GIMAP8: variants seen among roughly 807,000 people sequenced by gnomAD.
GIMAP8 encodes GTPase, IMAP family member 8.
A neutral mutation model predicts 35.6 loss-of-function variants in GIMAP8; 29 were observed. That is an observed-to-expected ratio of 0.81 (90% CI 0.61 to 1.11). The LOEUF (loss-of-function observed/expected upper bound fraction) is 1.11. Ranked by LOEUF, GIMAP8 falls within the 50% of genes most tolerant of loss-of-function variation. GIMAP8 has a pLI of 0.00. For missense variants in GIMAP8, 811 were observed against 805.0 expected (o/e 1.01, Z -0.09); for synonymous variants, 335 against 308.7 (o/e 1.09, Z -0.89).
Position 150,473,837 on chromosome 7 carries a change from CCT to C in GIMAP8, c.683-174_683-173del, listed in dbSNP as rs1032271141. Among the ~76,000 whole-genome samples the C allele has an allele frequency of 5.9e-5, 9 of 152,146 alleles. No individual in the cohort carries two copies. The East Asian group carries it at 7.7e-4, about 13-fold the overall frequency. On this transcript the variant is annotated intron_variant, in intron 3 of 4. Coordinates refer to ENST00000307271, the MANE Select transcript of GIMAP8 (RefSeq NM_175571.4). ...GAATATCTCTTAGTTCACTCCTGCC[CCT>C]GTTTGTGGCTTTCACCTTGATGGAG... is the stretch of plus-strand genomic sequence containing the variant.
intron 1 of GIMAP8, among the ~76,000 whole-genome samples, chr7:150,462,457 A>C (rs920987118): frequency 6.6e-6 from 1 of 152,064 alleles, no homozygotes; most frequent in African/African-American, 2.4e-5. Flanking sequence ...GTGCATTTTC[A>C]TGGTGGTAGA....
In GIMAP8 at chr7:150,466,982, A is replaced by G. The variant is rs1396548282; in HGVS notation, c.284A>G (p.His95Arg). Reference sequence around the variant, plus strand: ...TTGGAGCTCTCTGCTCCCAGCCTCCATGCTCTGCTCTTGGTAATTGCCATC... The same window carrying G: ...TTGGAGCTCTCTGCTCCCAGCCTCCGTGCTCTGCTCTTGGTAATTGCCATC... ...HCLELSAPSL[H>R]ALLLVIAIGH... Residue 95 changes from histidine to arginine, a missense_variant, in exon 2 of 5, where the codon CAT becomes CGT. Physicochemically the swap from His to Arg is conservative, Grantham distance 29 (BLOSUM62 0). Transcript: ENST00000307271. The G allele has an allele frequency of 3.7e-6, 6 of 1,614,122 alleles. No individual in the cohort carries two copies. The highest frequency in any genetic ancestry group is 3.4e-6 in the Non-Finnish European group (4 of 1,180,038).
intron 1 of GIMAP8, among the ~76,000 whole-genome samples, chr7:150,453,925 G>T (rs1362177060): frequency 6.6e-6 from 1 of 152,014 alleles, no homozygotes; most frequent in African/African-American, 2.4e-5. Context: ...GCGGGTGCTA[G>T]GTATGGGGTG....
intron 1 of GIMAP8, among the ~76,000 whole-genome samples, chr7:150,452,251 A>G (rs184911151): frequency 2.6e-5 from 4 of 151,936 alleles, no homozygotes; most frequent in Admixed American, 1.3e-4. Context: ...CACTTTCTAC[A>G]TGTTGGGGTG....
chr7:150,462,966 T>C (rs1425433490), intron 1 of GIMAP8, among the ~76,000 whole-genome samples: 2 of 152,192 alleles, frequency 1.3e-5, no homozygotes, highest in East Asian at 3.8e-4. Context: ...TCTGGAACTC[T>C]CAAAATTCAA....
chr7:150,455,932 A>T (rs1307452378), intron 1 of GIMAP8, among the ~76,000 whole-genome samples: 1 of 152,124 alleles, frequency 6.6e-6, no homozygotes, highest in Non-Finnish European at 1.5e-5. Flanking sequence ...GCTTGGTGGC[A>T]CAGGTTGACT....
intron 1 of GIMAP8, among the ~76,000 whole-genome samples, chr7:150,465,876 C>A (rs1426835700): frequency 1.3e-5 from 2 of 152,192 alleles, no homozygotes; most frequent in African/African-American, 2.4e-5. Context: ...TTTGTCATCT[C>A]ATTTGAGTTT....
intron 3 of GIMAP8, among the ~76,000 whole-genome samples, chr7:150,473,126 A>C (rs1802132636): frequency 6.6e-6 from 1 of 152,162 alleles, no homozygotes; most frequent in African/African-American, 2.4e-5. Context: ...CTTCCCACGA[A>C]GGCTGTTGAT....
In GIMAP8 at chr7:150,474,159, T is replaced by G; in HGVS notation, c.830T>G (p.Phe277Cys). The change falls in exon 4 of 5, where the codon TTT becomes TGT. Residue 277 changes from phenylalanine to cysteine, a missense_variant. Transcript: ENST00000307271. The part of the protein sequence containing the change: ...ILGRQAFQTG[F>C]SEQSVTQSFL... ...GGGAGGCAGGCCTTTCAGACCGGAT[T>G]TAGTGAGCAGTCAGTAACCCAGAGC... 6.2e-7 allele frequency: 1 copy of G among 1,614,088 alleles called. No individual in the cohort carries two copies. The highest frequency in any genetic ancestry group is 2.2e-5 in the East Asian group (1 of 44,884).
At chr7:150,457,409 A>G (rs1007185399) in intron 1 of GIMAP8, among the ~76,000 whole-genome samples, 2 of 152,228 alleles carry the variant, frequency 1.3e-5, no homozygotes, top group African/African-American at 2.4e-5. Flanking sequence ...TGGCCTGTTT[A>G]TGGACAGGCT....
In GIMAP8 at chr7:150,466,683, C is replaced by A. The variant is rs767299597; in HGVS notation, c.-16C>A. The A allele has an allele frequency of 6.1e-5, 99 of 1,611,202 alleles. No individual in the cohort carries two copies. In the East Asian group the frequency reaches 2.1e-3, roughly 35 times the overall value. On this transcript the variant is annotated 5_prime_UTR_variant, in exon 2 of 5. Coordinates refer to ENST00000307271, the MANE Select transcript of GIMAP8 (RefSeq NM_175571.4). ...TCTGTCCCAACAGAACAAGCGGGAG[C>A]CTGTGTCAGGAAAGCATGTCAGAGC...
Position 150,453,432 on chromosome 7 carries a change from C to T in GIMAP8, c.-29+2257C>T, listed in dbSNP as rs1043185646. 5.3e-5 allele frequency among the ~76,000 whole-genome samples: 8 copies of T among 152,206 alleles called. No individual in the cohort carries two copies. In the East Asian group the frequency reaches 5.8e-4, roughly 11 times the overall value. ...CTTGTGGGCTTTGCCTCGCCCTTTT[C>T]GAAAGTGGGCCCTGCCACTGCCTTT... On this transcript the variant is annotated intron_variant, in intron 1 of 4. Coordinates refer to ENST00000307271, the MANE Select transcript of GIMAP8 (RefSeq NM_175571.4).
chr7:150,455,138 C>CAAAAAAA (rs57359256), intron 1 of GIMAP8, among the ~76,000 whole-genome samples: 3 of 124,000 alleles, frequency 2.4e-5, no homozygotes, highest in Non-Finnish European at 3.4e-5. Flanking sequence ...AATTCCATCT[C>CAAAAAAA]AAAAAAAAAA....
rs758616514 is a variant in GIMAP8, at chr7:150,467,262, G to A, written c.564G>A (p.Lys188=). 2.5e-6 allele frequency: 4 copies of A among 1,614,224 alleles called. No individual in the cohort carries two copies. The Admixed American group carries it at 5.0e-5, about 20-fold the overall frequency. ...QITQVLELLR[K]VESLVNTNGG... is the part of the protein sequence containing the mutation. ...CCCAGGTGTTGGAGCTCCTTCGCAAGGTTGAGTCTTTGGTGAATACGAACG... is the reference window on the plus strand; with the variant it reads ...CCCAGGTGTTGGAGCTCCTTCGCAAAGTTGAGTCTTTGGTGAATACGAACG... The change falls in exon 2 of 5, where the codon AAG becomes AAA. Residue 188 remains lysine (K), a synonymous_variant. Transcript: ENST00000307271.
chr7:150,477,476 C>T lies in GIMAP8; in HGVS notation c.1694C>T (p.Thr565Ile), dbSNP rs756168278. ...ACGAAATACGCGATTATGCTGTTCA[C>T]CCGGAAGGAAGACCTAGGGGCGGGG... ...DFTKYAIMLFTRKEDLGAGNL... is the reference protein window; with the variant it reads ...DFTKYAIMLFIRKEDLGAGNL... Residue 565 changes from threonine to isoleucine, a missense_variant, in exon 5 of 5, where the codon ACC becomes ATC. Physicochemically the swap from Thr to Ile is moderately conservative, Grantham distance 89 (BLOSUM62 -1). Coordinates refer to ENST00000307271, the MANE Select transcript of GIMAP8 (RefSeq NM_175571.4). 1.2e-6 allele frequency: 2 copies of T among 1,614,066 alleles called. No individual in the cohort carries two copies. The highest frequency in any genetic ancestry group is 1.7e-5 in the Admixed American group (1 of 60,002).
rs183084956 is a variant in GIMAP8, at chr7:150,474,948, C to T, written c.1309+310C>T. On this transcript the variant is annotated intron_variant, in intron 4 of 4. Transcript: ENST00000307271. ...GTCCATGTGATCTTATTGTTCAATT[C>T]CCACCTATGAGTGAGAATATGCGGT... is the stretch of plus-strand genomic sequence containing the variant. 2.7e-5 allele frequency among the ~76,000 whole-genome samples: 4 copies of T among 148,342 alleles called. No individual in the cohort carries two copies. The East Asian group carries it at 8.3e-4, about 31-fold the overall frequency.
chr7:150,477,144 C>G lies in GIMAP8; in HGVS notation c.1362C>G (p.Thr454=). ...VGRSGTGKSA[T]GNSILGSLVF... ...GAAGCGGGACTGGGAAGAGTGCGACCGGGAACTCTATCCTGGGGAGCCTCG... is the reference window on the plus strand; with the variant it reads ...GAAGCGGGACTGGGAAGAGTGCGACGGGGAACTCTATCCTGGGGAGCCTCG... Residue 454 remains threonine, a synonymous_variant, in exon 5 of 5, where the codon ACC becomes ACG. Coordinates refer to ENST00000307271, the MANE Select transcript of GIMAP8 (RefSeq NM_175571.4). The G allele has an allele frequency of 1.9e-6, 3 of 1,613,654 alleles. No homozygotes were observed. The highest frequency in any genetic ancestry group is 2.5e-6 in the Non-Finnish European group (3 of 1,179,634).
At chr7:150,460,804 G>T (rs894735139) in intron 1 of GIMAP8, among the ~76,000 whole-genome samples, 3 of 152,154 alleles carry the variant, frequency 2.0e-5, no homozygotes, top group African/African-American at 7.2e-5. Flanking sequence ...GCCTACTTAG[G>T]CCCAATCTCA....
Position 150,477,329 on chromosome 7 carries a change from G to C in GIMAP8, c.1547G>C (p.Arg516Pro). 1 of 1,614,180 alleles carries C rather than the reference G, an allele frequency of 6.2e-7. No individual in the cohort carries two copies. The highest frequency in any genetic ancestry group is 8.5e-7 in the Non-Finnish European group (1 of 1,180,024). Residue 516 changes from arginine to proline, a missense_variant, in exon 5 of 5, where the codon CGC becomes CCC. By Grantham distance (103) the Arg-to-Pro change is moderately radical. Coordinates refer to ENST00000307271, the MANE Select transcript of GIMAP8 (RefSeq NM_175571.4). ...TCCCGGTTAGAAGAGGAGGTCAAGC[G>C]CTGTTTGTCCTGCTGTGAAAAAGGG... ...DPSRLEEEVK[R>P]CLSCCEKGDT...
Sources: gnomAD v4.1 joint callset for allele counts (sites outside exome capture counted in the v4.1 genomes callset) on GRCh38, gnomAD v4.1.1 for gene constraint, MANE v1.5 for transcripts, NCBI Gene and HGNC (gene_info 2026-07-23, HGNC 2026-07-21) for gene names.